Variants in SYNDIG1 observed in about 807,000 individuals in gnomAD.
SYNDIG1 encodes the protein synapse differentiation inducing 1.
In SYNDIG1, 9 loss-of-function variants were observed where a neutral mutation model predicts 19.4. The observed-to-expected ratio is 0.46, with a 90% CI of 0.28 to 0.81. The LOEUF (loss-of-function observed/expected upper bound fraction) is 0.81, where lower values mean the gene tolerates loss of function less well. Among genes scored for constraint, SYNDIG1 ranks in the 30% least tolerant of loss-of-function variants. SYNDIG1 has a pLI of 0.12. For missense variants in SYNDIG1, 311 were observed against 343.3 expected, an observed-to-expected ratio of 0.91 and a Z score of 0.74; for synonymous variants, 141 against 145.9, an observed-to-expected ratio of 0.97 and a Z score of 0.24.
Position 24,646,709 on chromosome 20 carries a change from C to T in SYNDIG1, c.619-18637C>T, listed in dbSNP as rs1484353911. Among the ~76,000 whole-genome samples, 10 of 152,086 alleles carry T rather than the reference C, an allele frequency of 6.6e-5. No homozygotes were observed. The East Asian group carries it at 1.9e-3, about 29-fold the overall frequency. On this transcript the variant is annotated intron_variant, in intron 3 of 3. Transcript: ENST00000376862. ...TGATGTCGGCTCTCTACAATGTCCGCCTCCTGAGTTCAAGTGATTCTCCTG... is the reference window on the plus strand; with the variant it reads ...TGATGTCGGCTCTCTACAATGTCCGTCTCCTGAGTTCAAGTGATTCTCCTG...
intron 1 of SYNDIG1, among the ~76,000 whole-genome samples, chr20:24,484,207 G>A (rs1285326366): frequency 6.6e-6 from 1 of 152,114 alleles, no homozygotes; most frequent in East Asian, 1.9e-4. Flanking sequence ...AATTTTGGAG[G>A]GGTCGGCTGG....
rs1459706671 is a variant in SYNDIG1, at chr20:24,643,159, C to T, written c.619-22187C>T. ...TGCCTCCAACTCTAACTCATTGTCA[C>T]ACATCACTGCAGCCTTCTTCCCTTA... On this transcript the variant is annotated intron_variant, in intron 3 of 3. Coordinates refer to ENST00000376862, the MANE Select transcript of SYNDIG1 (RefSeq NM_024893.3). Among the ~76,000 whole-genome samples the T allele has an allele frequency of 2.0e-5, 3 of 152,298 alleles. No homozygotes were observed. The East Asian group carries it at 5.8e-4, about 29-fold the overall frequency.
At chr20:24,664,556 G>A (rs190361864) in intron 3 of SYNDIG1, among the ~76,000 whole-genome samples, 16 of 152,214 alleles carry the variant, frequency 1.1e-4, no homozygotes, top group Admixed American at 2.6e-4. Flanking sequence ...ATTTTACTCC[G>A]GTGATCCCTC....
chr20:24,556,731 C>G (rs889445200), intron 2 of SYNDIG1, among the ~76,000 whole-genome samples: 2 of 152,142 alleles, frequency 1.3e-5, no homozygotes, highest in African/African-American at 2.4e-5. Flanking sequence ...CTCTAGCTGC[C>G]CTTAACATTT....
In SYNDIG1 at chr20:24,484,010, G is replaced by A. The variant is rs549911830; in HGVS notation, c.-79+14257G>A. Among the ~76,000 whole-genome samples the A allele has an allele frequency of 6.6e-5, 10 of 152,254 alleles. No individual in the cohort carries two copies. In the South Asian group the frequency reaches 8.3e-4, roughly 13 times the overall value. Reference sequence around the variant, plus strand: ...TAGGGCAGAGGTCACAGAGGCCTCCGCGCACCTAGGAGGTGGAAGTTGGAT... The same window carrying A: ...TAGGGCAGAGGTCACAGAGGCCTCCACGCACCTAGGAGGTGGAAGTTGGAT... On this transcript the variant is annotated intron_variant, in intron 1 of 3. Transcript: ENST00000376862.
chr20:24,626,883 G>T (rs1044893686), intron 3 of SYNDIG1, among the ~76,000 whole-genome samples: 1 of 152,234 alleles, frequency 6.6e-6, no homozygotes, highest in South Asian at 2.1e-4. Flanking sequence ...AGACCAGCCC[G>T]GCCATCACAG....
chr20:24,536,916 T>A (rs2057373688), intron 1 of SYNDIG1, among the ~76,000 whole-genome samples: 1 of 152,184 alleles, frequency 6.6e-6, no homozygotes, highest in South Asian at 2.1e-4. Context: ...ATCACACCCT[T>A]CTTACTGCCC....
Position 24,477,173 on chromosome 20 carries a change from G to C in SYNDIG1, c.-79+7420G>C, listed in dbSNP as rs377099682. ...CGTCACACTCTTGGGACACAAAAAT[G>C]AGTTTGCATCCCTAATCTCAGCAAC... On this transcript the variant is annotated intron_variant, in intron 1 of 3. Transcript: ENST00000376862. Among the ~76,000 whole-genome samples, 4 of 152,262 alleles carry C rather than the reference G, an allele frequency of 2.6e-5. No individual in the cohort carries two copies. The East Asian group carries it at 5.8e-4, about 22-fold the overall frequency.
intron 1 of SYNDIG1, among the ~76,000 whole-genome samples, chr20:24,537,824 C>T (rs564201726): frequency 6.6e-6 from 1 of 152,198 alleles, no homozygotes; most frequent in Admixed American, 6.5e-5. Context: ...ACCTGTGGTT[C>T]CTTGACTTTC....
intron 2 of SYNDIG1, among the ~76,000 whole-genome samples, chr20:24,565,203 G>A (rs954840515): frequency 6.6e-5 from 10 of 152,198 alleles, no homozygotes; most frequent in Non-Finnish European, 1.0e-4. Flanking sequence ...GAGAACCACC[G>A]GGGATATAGT....
intron 3 of SYNDIG1, among the ~76,000 whole-genome samples, chr20:24,655,430 A>C (rs746182662): frequency 1.3e-5 from 2 of 152,226 alleles, no homozygotes; most frequent in East Asian, 3.8e-4. Context: ...CGAACTCTTC[A>C]TCCACCACAA....
At chr20:24,506,077 C>T (rs1437326731) in intron 1 of SYNDIG1, among the ~76,000 whole-genome samples, 1 of 152,224 alleles carries the variant, frequency 6.6e-6, no homozygotes, top group East Asian at 1.9e-4. Context: ...CTCCCACCAA[C>T]TCTCAAGTCC....
In SYNDIG1 at chr20:24,603,093, G is replaced by A. The variant is rs76457465; in HGVS notation, c.618+18100G>A. On this transcript the variant is annotated intron_variant, in intron 3 of 3. Transcript: ENST00000376862. ...TTTAAATGCTACAAAGAGCCACTGG[G>A]CATGGAATCTGCCACATTGTAGGTG... 5.3e-3 allele frequency among the ~76,000 whole-genome samples: 813 copies of A among 152,242 alleles called. 5 individuals carry two copies. The highest frequency in any genetic ancestry group is 7.4e-3 in the Non-Finnish European group (506 of 68,024).
intron 3 of SYNDIG1, among the ~76,000 whole-genome samples, chr20:24,593,080 G>A (rs2058538533): frequency 6.6e-6 from 1 of 152,174 alleles, no homozygotes; most frequent in African/African-American, 2.4e-5. Flanking sequence ...TTTCTTTAAA[G>A]TTAAAGGGTA....
At chr20:24,483,902 G>T (rs1338652603) in intron 1 of SYNDIG1, among the ~76,000 whole-genome samples, 6 of 152,174 alleles carry the variant, frequency 3.9e-5, no homozygotes. Flanking sequence ...GCTGCGTCCA[G>T]ATGCAGCCAA....
intron 3 of SYNDIG1, among the ~76,000 whole-genome samples, chr20:24,618,884 G>A (rs1236971271): frequency 6.6e-6 from 1 of 151,802 alleles, no homozygotes; most frequent in Non-Finnish European, 1.5e-5. Flanking sequence ...TGTAACTGCT[G>A]TAGCCAAGAG....
At chr20:24,619,132 C>A (rs1255429405) in intron 3 of SYNDIG1, among the ~76,000 whole-genome samples, 2 of 152,166 alleles carry the variant, frequency 1.3e-5, no homozygotes, top group Non-Finnish European at 2.9e-5. Flanking sequence ...TTGAGTCTAT[C>A]TCATTGTTTT....
chr20:24,528,505 A>G (rs182709398), intron 1 of SYNDIG1, among the ~76,000 whole-genome samples: 32 of 152,286 alleles, frequency 2.1e-4, no homozygotes, highest in African/African-American at 7.7e-4. Context: ...TCAGTGTCTG[A>G]TAAGGACTCA....
chr20:24,482,482 C>T lies in SYNDIG1; in HGVS notation c.-79+12729C>T, dbSNP rs149569538. ...AGTTGCTCAGTAAAGGCACCTGAGG[C>T]AGCCTTTGGGATCACTGGGGAGGTT... On this transcript the variant is annotated intron_variant, in intron 1 of 3. Coordinates refer to ENST00000376862, the MANE Select transcript of SYNDIG1 (RefSeq NM_024893.3). Among the ~76,000 whole-genome samples, 263 of 152,352 alleles carry T rather than the reference C, an allele frequency of 1.7e-3. 2 individuals carry two copies. The highest frequency in any genetic ancestry group is 5.7e-3 in the African/African-American group (237 of 41,590).
Sources: allele counts gnomAD v4.1 joint callset (sites outside exome capture counted in the v4.1 genomes callset), GRCh38; gene constraint gnomAD v4.1.1; transcripts MANE v1.5; gene names NCBI Gene and HGNC (gene_info 2026-07-23, HGNC 2026-07-21).